The following ABCB5 variants were observed in gnomAD, a reference collection of about 807,000 sequenced individuals.
ABCB5 encodes the protein ATP binding cassette subfamily B member 5.
In ABCB5, 155 loss-of-function variants were observed where a neutral mutation model predicts 144.2. The ratio of observed to expected loss-of-function variants is 1.08; its 90% CI spans 0.94 to 1.23. The LOEUF is 1.23. Ranked by LOEUF, ABCB5 falls within the 50% of genes most tolerant of loss-of-function variation. The pLI is 0.00. For synonymous variants in ABCB5, 610 were observed against 528.6 expected (o/e 1.15, Z -2.11); for missense variants, 1,830 against 1,520.8 (o/e 1.20, Z -3.38).
At chr7:20,696,610 T>C (rs1786423827) in intron 16 of ABCB5, among the ~76,000 whole-genome samples, 1 of 152,148 alleles carries the variant, frequency 6.6e-6, no homozygotes, top group Non-Finnish European at 1.5e-5. Context: ...TCAAGAAAGC[T>C]CTAAGCTGTA....
chr7:20,719,030 G>A (rs1781775991), intron 20 of ABCB5, among the ~76,000 whole-genome samples: 1 of 152,152 alleles, frequency 6.6e-6, no homozygotes, highest in Non-Finnish European at 1.5e-5. Context: ...AATAACTGCA[G>A]TATAATGTAC....
chr7:20,667,734 T>C lies in ABCB5; in HGVS notation c.1707+9058T>C, dbSNP rs187976820. Among the ~76,000 whole-genome samples, 127 of 75,026 alleles carry C rather than the reference T, an allele frequency of 1.7e-3. 2 individuals are homozygous for C. The highest frequency in any genetic ancestry group is 0.01 in the East Asian group (21 of 2,034). The allele number at this position is 75,026 out of a possible 152,430, so 49.2% of individuals were successfully genotyped here. ...CCCTGCCCCTGCCCCTGCCCCTGCC[T>C]CTGCCTCTGCCTCTGCCTCGTCTCC... On this transcript the variant is annotated intron_variant, in intron 14 of 27. Coordinates refer to ENST00000404938, the MANE Select transcript of ABCB5 (RefSeq NM_001163941.2).
At chr7:20,731,740 T>C (rs1782229287) in intron 23 of ABCB5, among the ~76,000 whole-genome samples, 1 of 152,152 alleles carries the variant, frequency 6.6e-6, no homozygotes, top group Admixed American at 6.6e-5. Flanking sequence ...AGCCCAAAAA[T>C]GTTGGAGTCA....
chr7:20,624,912 G>T (rs1186748092), intron 2 of ABCB5, among the ~76,000 whole-genome samples: 1 of 151,262 alleles, frequency 6.6e-6, no homozygotes, highest in Non-Finnish European at 1.5e-5. Context: ...CTGTGTAGAG[G>T]GAGGAGACCC....
At chr7:20,713,785 G>T (rs1197773677) in intron 20 of ABCB5, among the ~76,000 whole-genome samples, 3 of 149,516 alleles carry the variant, frequency 2.0e-5, no homozygotes, top group Admixed American at 2.0e-4. Context: ...TCTGGCTGCT[G>T]TTACCAGGCA....
intron 25 of ABCB5, among the ~76,000 whole-genome samples, chr7:20,744,555 T>C (rs1272976677): frequency 6.6e-6 from 1 of 151,604 alleles, no homozygotes. Context: ...CTCCTGAGTT[T>C]ATTGAGTTAT....
At chr7:20,741,742 G>A (rs548271435) in intron 24 of ABCB5, among the ~76,000 whole-genome samples, 5 of 152,152 alleles carry the variant, frequency 3.3e-5, no homozygotes, top group Non-Finnish European at 7.4e-5. Flanking sequence ...AAACCTGACT[G>A]TAAGGATGTG....
At chr7:20,656,151 T>C (rs1784784689) in intron 13 of ABCB5, among the ~76,000 whole-genome samples, 1 of 152,186 alleles carries the variant, frequency 6.6e-6, no homozygotes, top group South Asian at 2.1e-4. Flanking sequence ...CCATAGACCT[T>C]GTACCAAAAT....
chr7:20,659,501 C>G (rs1455178516), intron 14 of ABCB5: 5 of 1,032,210 alleles, frequency 4.8e-6, no homozygotes, highest in Non-Finnish European at 5.8e-6. Flanking sequence ...CTTGAAAAAT[C>G]TCTTAGTTAC....
At chr7:20,698,637 G>A (rs1786505547) in intron 17 of ABCB5, 87 bp downstream of exon 17, 4 of 1,309,686 alleles carry the variant, frequency 3.1e-6, no homozygotes, top group Non-Finnish European at 4.1e-6. Flanking sequence ...TAAACCACAA[G>A]GGGAAAATTG....
At chr7:20,691,732 A>G (rs2128041627) in intron 16 of ABCB5, among the ~76,000 whole-genome samples, 1 of 152,256 alleles carries the variant, frequency 6.6e-6, no homozygotes, top group South Asian at 2.1e-4. Context: ...TAAACTCTGC[A>G]CTAAACCTAA....
At chr7:20,665,466 G>A (rs569244610) in intron 14 of ABCB5, among the ~76,000 whole-genome samples, 62 of 152,186 alleles carry the variant, frequency 4.1e-4, no homozygotes, top group African/African-American at 1.3e-3. Context: ...TATGTTTCCC[G>A]TTCAACTACC....
chr7:20,716,607 T>C (rs1317845765), intron 20 of ABCB5, among the ~76,000 whole-genome samples: 3 of 152,198 alleles, frequency 2.0e-5, no homozygotes, highest in South Asian at 2.1e-4. Flanking sequence ...GACACACTTA[T>C]ATGCATTAAT....
intron 14 of ABCB5, chr7:20,667,607 C>T (rs1583410748): frequency 1.1e-6 from 1 of 908,164 alleles, no homozygotes. Context: ...TAATGGGTCA[C>T]ATCACGTGGC....
intron 14 of ABCB5, among the ~76,000 whole-genome samples, chr7:20,681,016 T>TTC (rs1562558927): frequency 6.8e-4 from 3 of 4,440 alleles, no homozygotes; most frequent in Admixed American, 2.3e-3. Flanking sequence ...CTTTCTTTCT[T>TTC]TCTTTCTTTC....
intron 5 of ABCB5, among the ~76,000 whole-genome samples, chr7:20,640,222 A>C (rs1331837610): frequency 6.6e-6 from 1 of 152,216 alleles, no homozygotes; most frequent in Non-Finnish European, 1.5e-5. Flanking sequence ...ATGTTCTATT[A>C]AAGTTTCTGT....
At chr7:20,634,962 C>T (rs1341547512) in intron 5 of ABCB5, among the ~76,000 whole-genome samples, 2 of 152,062 alleles carry the variant, frequency 1.3e-5, no homozygotes, top group African/African-American at 4.8e-5. Context: ...AAGTCTTAGT[C>T]ATGAATACTT....
chr7:20,713,049 C>G (rs561157956), intron 20 of ABCB5, among the ~76,000 whole-genome samples: 1 of 149,428 alleles, frequency 6.7e-6, no homozygotes, highest in Non-Finnish European at 1.5e-5. Flanking sequence ...ATCTTCTCAA[C>G]CCCCTGAATC....
At chr7:20,648,455 C>T (rs774270195) in intron 11 of ABCB5, among the ~76,000 whole-genome samples, 43 of 152,244 alleles carry the variant, frequency 2.8e-4, no homozygotes, top group Non-Finnish European at 4.3e-4. Context: ...ATGTGCCTTT[C>T]CCTTCTTCCT....
Sources: gnomAD v4.1 joint callset for allele counts (sites outside exome capture counted in the v4.1 genomes callset) on GRCh38, gnomAD v4.1.1 for gene constraint, MANE v1.5 for transcripts, NCBI Gene and HGNC (gene_info 2026-07-23, HGNC 2026-07-21) for gene names.